The following DDX47 variants were observed in gnomAD, a reference collection of about 807,000 sequenced individuals.
DDX47 encodes DEAD-box helicase 47, also known as probable ATP-dependent RNA helicase DDX47.
In DDX47, 60 loss-of-function variants were observed where a neutral mutation model predicts 58.8. The observed-to-expected ratio is 1.02, with a 90% CI of 0.83 to 1.26. The LOEUF (loss-of-function observed/expected upper bound fraction) is 1.26. Among genes scored for constraint, DDX47 ranks in the 50% most tolerant of loss-of-function variants. The pLI, the probability that DDX47 is intolerant of heterozygous loss-of-function variation, is 0.00. For synonymous variants in DDX47, 197 were observed against 204.6 expected (o/e 0.96, Z 0.32); for missense variants, 530 against 573.2 (o/e 0.92, Z 0.77).
In DDX47 at chr12:12,813,397, G is replaced by A. The variant is rs779124616; in HGVS notation, c.30G>A (p.Pro10=). The A allele has an allele frequency of 5.6e-6, 9 of 1,613,350 alleles. No individual in the cohort carries two copies. Among genetic ancestry groups the A allele is most frequent in the South Asian group, 1.1e-5 (1 of 90,930 alleles). The change falls in exon 1 of 12, where the codon CCG becomes CCA. Residue 10 remains proline (P), a synonymous_variant. Transcript: ENST00000358007. MAAPEEHDS[P]TEASQPIVEE... The stretch of plus-strand genomic sequence containing the variant: ...CGGCACCCGAGGAACACGATTCTCC[G>A]ACCGAAGCGTCCCAGCCGATTGTGG...
Position 12,829,586 on chromosome 12 carries a change from C to G in DDX47, c.*32C>G. On this transcript the variant is annotated 3_prime_UTR_variant, in exon 12 of 12. Coordinates refer to ENST00000358007, the MANE Select transcript of DDX47 (RefSeq NM_016355.4). ...TTATGAAGGCTCGAGTTCTGCTGTTCTGTAAAAGAGAATTGGAGAATGAAA... is the reference window on the plus strand; with the variant it reads ...TTATGAAGGCTCGAGTTCTGCTGTTGTGTAAAAGAGAATTGGAGAATGAAA... 1 of 1,604,986 alleles carries G rather than the reference C, an allele frequency of 6.2e-7. No individual in the cohort carries two copies. Among genetic ancestry groups the G allele is most frequent in the African/African-American group, 1.3e-5 (1 of 74,438 alleles).
chr12:12,825,965 A>G, intron 9 of DDX47, 35 bp from the exon 10 acceptor site: 2 of 1,561,256 alleles, frequency 1.3e-6, no homozygotes, highest in Non-Finnish European at 1.7e-6. Flanking sequence ...CTTATAATCC[A>G]TATAACTTGA....
At chr12:12,824,238 A>C (rs1863017316) in intron 8 of DDX47, 1 of 608,932 alleles carries the variant, frequency 1.6e-6, no homozygotes, top group Non-Finnish European at 2.7e-6. Flanking sequence ...CTGGTTTGCA[A>C]GCTGTTGAGT....
rs1411942067 is a variant in DDX47 at position 12,823,297 on chromosome 12, T to C, written c.728T>C (p.Ile243Thr). 3 of 1,586,606 alleles carry C rather than the reference T, an allele frequency of 1.9e-6. No individual in the cohort carries two copies. The highest frequency in any genetic ancestry group is 4.5e-5 in the East Asian group (2 of 44,766). ...GTTGAAAAATTACAGCAATATTATA[T>C]TTTTATTCCCTCTAAATTCAAGGTA... ...QTVEKLQQYY[I>T]FIPSKFKDTY... The change falls in exon 7 of 12, where the codon ATT (isoleucine) becomes ACT (threonine). Residue 243 changes from isoleucine (I) to threonine (T), a missense_variant. Ile to Thr is a moderately conservative substitution (Grantham distance 89). Coordinates refer to ENST00000358007, the MANE Select transcript of DDX47 (RefSeq NM_016355.4).
At chr12:12,825,792 G>A (rs1863043115) in intron 9 of DDX47, among the ~76,000 whole-genome samples, 1 of 152,150 alleles carries the variant, frequency 6.6e-6, no homozygotes, top group Non-Finnish European at 1.5e-5. Flanking sequence ...GTGAAAGAAG[G>A]GAAAGCATTG....
chr12:12,824,399 G>T, intron 8 of DDX47, 141 bp from the exon 9 acceptor site: 5 of 788,724 alleles, frequency 6.3e-6, no homozygotes, highest in South Asian at 2.3e-5. Context: ...TTTCTGTTTT[G>T]ACCTGTGAAG....
In DDX47 at chr12:12,823,216, A is replaced by G; in HGVS notation, c.647A>G (p.Gln216Arg). The G allele has an allele frequency of 1.2e-6, 2 of 1,613,210 alleles. No homozygotes were observed. Among genetic ancestry groups the G allele is most frequent in the Non-Finnish European group, 1.7e-6 (2 of 1,179,140 alleles). The change falls in exon 7 of 12, where the codon CAG becomes CGG. Residue 216 changes from glutamine to arginine, a missense_variant. By Grantham distance (43) the Gln-to-Arg change is conservative (BLOSUM62 1). Transcript: ENST00000358007. ...ATMTKKVQKL[Q>R]RAALKNPVKC... ...TTCTTCCTTCAGGTTCAAAAACTTC[A>G]GCGAGCAGCTCTGAAGAATCCTGTG...
intron 2 of DDX47, among the ~76,000 whole-genome samples, chr12:12,816,237 G>A (rs937360698): frequency 2.0e-4 from 31 of 152,248 alleles, no homozygotes; most frequent in Non-Finnish European, 1.3e-4. Context: ...GTTGCTCAGG[G>A]TACGGTTTCA....
chr12:12,823,761 G>T (rs1189036756), intron 7 of DDX47, 109 bp from the exon 8 acceptor site: 2 of 1,103,760 alleles, frequency 1.8e-6, no homozygotes, highest in Non-Finnish European at 2.6e-6. Flanking sequence ...TGGAGGTCTG[G>T]ATAATTGAAA....
intron 1 of DDX47, 93 bp from the exon 2 acceptor site, chr12:12,814,038 A>G (rs569615897): frequency 2.2e-5 from 18 of 813,410 alleles, no homozygotes; most frequent in East Asian, 4.9e-5. Context: ...ATCAAATACA[A>G]TGGTTGTACA....
Position 12,822,696 on chromosome 12 carries a change from G to T in DDX47, c.597G>T (p.Arg199=). 1 of 1,614,018 alleles carries T rather than the reference G, an allele frequency of 6.2e-7. No homozygotes were observed. The highest frequency in any genetic ancestry group is 8.5e-7 in the Non-Finnish European group (1 of 1,179,952). The stretch of plus-strand genomic sequence containing the variant: ...TCCTCAAAGTGATTCCTCGAGATCG[G>T]AAAACATTCCTCTTCTCTGCCACCA... ...DKILKVIPRD[R]KTFLFSATMT... is the part of the protein sequence containing the mutation. The change falls in exon 6 of 12, where the codon CGG becomes CGT. Residue 199 remains arginine, a synonymous_variant. Coordinates refer to ENST00000358007, the MANE Select transcript of DDX47 (RefSeq NM_016355.4).
At position 12,822,646 on chromosome 12, in the gene DDX47, C is replaced by G. The variant is rs375407868; in HGVS notation, c.562-15C>G. ...CTGAATATCATATTGGCATCTTTTC[C>G]TCTTTGTGCTTTAGGTTGACAAGAT... is the stretch of plus-strand genomic sequence containing the variant. On this transcript the variant is annotated splice_polypyrimidine_tract_variant and intron_variant, in intron 5 of 11. Coordinates refer to ENST00000358007, the MANE Select transcript of DDX47 (RefSeq NM_016355.4). 1.9e-6 allele frequency: 3 copies of G among 1,611,600 alleles called. No homozygotes were observed. In the African/African-American group the frequency reaches 4.0e-5, roughly 22 times the overall value.
In DDX47 at chr12:12,827,067, G is replaced by T. The variant is rs150443834; in HGVS notation, c.1107-179G>T. On this transcript the variant is annotated intron_variant, in intron 10 of 11. Coordinates refer to ENST00000358007, the MANE Select transcript of DDX47 (RefSeq NM_016355.4). Reference sequence around the variant, plus strand: ...CCACCATGCCTGGCCTCCCTTGAGTGATTTTCTAATGGGCTATGCACAGAG... The same window carrying T: ...CCACCATGCCTGGCCTCCCTTGAGTTATTTTCTAATGGGCTATGCACAGAG... Among the ~76,000 whole-genome samples, 1,208 of 152,318 alleles carry T rather than the reference G, an allele frequency of 7.9e-3. 15 individuals carry two copies. Among genetic ancestry groups the T allele is most frequent in the African/African-American group, 0.027 (1,134 of 41,580 alleles).
chr12:12,823,947 C>T lies in DDX47; in HGVS notation c.828C>T (p.Thr276=). 6.2e-7 allele frequency: 1 copy of T among 1,614,016 alleles called. No homozygotes were observed. The highest frequency in any genetic ancestry group is 8.5e-7 in the Non-Finnish European group (1 of 1,179,990). ...FMIFCSTCNN[T]QRTALLLRNL... is the part of the protein sequence containing the mutation. ...TATTCTGCAGCACCTGTAATAATAC[C>T]CAGAGAACAGCTTTGCTACTGCGAA... Residue 276 remains threonine (T), a synonymous_variant, in exon 8 of 12, where the codon ACC becomes ACT. Coordinates refer to ENST00000358007, the MANE Select transcript of DDX47 (RefSeq NM_016355.4).
intron 1 of DDX47, 134 bp downstream of exon 1, chr12:12,813,588 A>G: frequency 1.2e-6 from 1 of 853,702 alleles, no homozygotes; most frequent in Non-Finnish European, 1.8e-6. Context: ...CCAGAATTTC[A>G]GAGGGCTGGG....
In DDX47 at chr12:12,813,408, C is replaced by A. The variant is rs1862844169; in HGVS notation, c.41C>A (p.Ser14Tyr). The change falls in exon 1 of 12, where the codon TCC becomes TAC. Residue 14 changes from serine (S) to tyrosine (Y), a missense_variant. Ser to Tyr is a moderately radical substitution (Grantham distance 144). Coordinates refer to ENST00000358007, the MANE Select transcript of DDX47 (RefSeq NM_016355.4). The part of the protein sequence containing the change: ...PEEHDSPTEA[S>Y]QPIVEEEETK... The stretch of plus-strand genomic sequence containing the variant: ...GAACACGATTCTCCGACCGAAGCGT[C>A]CCAGCCGATTGTGGAAGAGGAGGAA... The A allele has an allele frequency of 6.2e-7, 1 of 1,613,456 alleles. No homozygotes were observed. The highest frequency in any genetic ancestry group is 8.5e-7 in the Non-Finnish European group (1 of 1,179,740).
At chr12:12,824,203 A>G (rs760770028) in intron 8 of DDX47, 187 bp downstream of exon 8, 2 of 712,498 alleles carry the variant, frequency 2.8e-6, no homozygotes, top group Non-Finnish European at 4.4e-6. Flanking sequence ...AGAGGCTCCC[A>G]TTAGAATATT....
chr12:12,829,347 GGA>G, intron 11 of DDX47, 74 bp from the exon 12 acceptor site: 1 of 1,491,578 alleles, frequency 6.7e-7, no homozygotes, highest in Non-Finnish European at 9.0e-7. Context: ...TTGATCTTAA[GGA>G]GAGGGGACTA....
intron 2 of DDX47, 130 bp downstream of exon 2, chr12:12,814,354 G>T: frequency 3.0e-6 from 2 of 662,186 alleles, no homozygotes; most frequent in South Asian, 1.8e-5. Context: ...TTTGGGTAAT[G>T]GTATTTGAAA....
Sources: allele counts gnomAD v4.1 joint callset (sites outside exome capture counted in the v4.1 genomes callset), GRCh38; gene constraint gnomAD v4.1.1; transcripts MANE v1.5; gene names NCBI Gene and HGNC (gene_info 2026-07-23, HGNC 2026-07-21).